The following SORCS3 variants were observed in gnomAD, a reference collection of about 807,000 sequenced individuals.
SORCS3 encodes the protein sortilin related VPS10 domain containing receptor 3, also known as VPS10 domain-containing receptor SorCS3.
A neutral mutation model predicts 146.3 loss-of-function variants in SORCS3; 57 were observed. The ratio of observed to expected loss-of-function variants is 0.39; its 90% CI spans 0.31 to 0.49. SORCS3 has a LOEUF of 0.49. SORCS3 is among the 20% of genes least tolerant of loss of function. The pLI is 0.92. For synonymous variants in SORCS3, 653 were observed against 618.5 expected (o/e 1.06, Z -0.83); for missense variants, 1,341 against 1,575.5 (o/e 0.85, Z 2.52).
At chr10:104,678,028 A>G (rs774956965) in intron 1 of SORCS3, among the ~76,000 whole-genome samples, 7 of 152,164 alleles carry the variant, frequency 4.6e-5, no homozygotes, top group Non-Finnish European at 7.4e-5. Flanking sequence ...CTTGCATTCT[A>G]GTAATGACAT....
intron 7 of SORCS3, among the ~76,000 whole-genome samples, chr10:105,109,157 T>C (rs1456311245): frequency 3.2e-4 from 49 of 152,172 alleles, no homozygotes; most frequent in Admixed American, 3.2e-3. Flanking sequence ...AATTACAAAA[T>C]CAGTGTATTT....
At chr10:104,673,419 C>CGTGTGTGTGTGT (rs61501873) in intron 1 of SORCS3, among the ~76,000 whole-genome samples, 3 of 146,004 alleles carry the variant, frequency 2.1e-5, no homozygotes, top group African/African-American at 7.6e-5. Context: ...TTCTTATTTC[C>CGTGTGTGTGTGT]GTGTGTGTGT....
chr10:105,086,894 C>A (rs966070808), intron 5 of SORCS3, among the ~76,000 whole-genome samples: 2 of 152,166 alleles, frequency 1.3e-5, no homozygotes, highest in Admixed American at 6.6e-5. Flanking sequence ...TCTTTTGCTG[C>A]GTAGAAGCTC....
At chr10:104,919,550 C>T (rs553856303) in intron 3 of SORCS3, among the ~76,000 whole-genome samples, 47 of 151,966 alleles carry the variant, frequency 3.1e-4, no homozygotes, top group Non-Finnish European at 5.1e-4. Flanking sequence ...ATTAGCCAGG[C>T]GTGGTGGTAC....
intron 1 of SORCS3, among the ~76,000 whole-genome samples, chr10:104,758,155 C>T (rs148916713): frequency 8.7e-4 from 132 of 152,188 alleles, no homozygotes; most frequent in African/African-American, 3.0e-3. Context: ...ATCTGTGTTT[C>T]GAGGCAAGGA....
intron 5 of SORCS3, among the ~76,000 whole-genome samples, chr10:105,071,072 G>A (rs2055553603): frequency 6.6e-6 from 1 of 152,166 alleles, no homozygotes; most frequent in African/African-American, 2.4e-5. Context: ...CATTTGGAGA[G>A]TGTAGGACTC....
At chr10:105,011,980 T>C (rs746820829) in intron 4 of SORCS3, among the ~76,000 whole-genome samples, 1 of 152,178 alleles carries the variant, frequency 6.6e-6, no homozygotes, top group African/African-American at 2.4e-5. Context: ...GAAAGGAGCA[T>C]AGAGGAAGTT....
At chr10:104,925,509 T>C (rs2133606826) in intron 3 of SORCS3, among the ~76,000 whole-genome samples, 1 of 152,352 alleles carries the variant, frequency 6.6e-6, no homozygotes, top group African/African-American at 2.4e-5. Flanking sequence ...GGCATTGCCC[T>C]GATAGTGTGA....
rs546214709 is a variant in SORCS3 at position 104,991,526 on chromosome 10, G to T, written c.954+14033G>T. 5.5e-4 allele frequency among the ~76,000 whole-genome samples: 79 copies of T among 143,644 alleles called. 1 individual carries two copies. The highest frequency in any genetic ancestry group is 7.1e-4 in the Non-Finnish European group (47 of 66,544). 94.2% of individuals were successfully genotyped at this position (143,644 alleles called of 152,430 possible). On this transcript the variant is annotated intron_variant, in intron 4 of 26. Coordinates refer to ENST00000369701, the MANE Select transcript of SORCS3 (RefSeq NM_014978.3). ...TCCTTTTTTTTTTTTTTTTGAGACA[G>T]AGTCTTGCTCTGTTGCCCAGGCTGG...
chr10:104,992,112 A>G (rs1380771738), intron 4 of SORCS3, among the ~76,000 whole-genome samples: 1 of 152,176 alleles, frequency 6.6e-6, no homozygotes, highest in African/African-American at 2.4e-5. Context: ...AATGGAGCCA[A>G]CCACCAGGAA....
intron 1 of SORCS3, among the ~76,000 whole-genome samples, chr10:104,746,660 C>T (rs954795847): frequency 6.6e-6 from 1 of 152,194 alleles, no homozygotes; most frequent in Admixed American, 6.5e-5. Context: ...TCTCTCCTTT[C>T]CTCATCCACC....
intron 20 of SORCS3, among the ~76,000 whole-genome samples, chr10:105,237,383 G>A (rs1200686889): frequency 6.6e-6 from 1 of 152,186 alleles, no homozygotes; most frequent in Non-Finnish European, 1.5e-5. Flanking sequence ...CGTAGAAAGT[G>A]TTTAGAACAC....
chr10:104,720,662 G>A lies in SORCS3; in HGVS notation c.627+78708G>A, dbSNP rs530318325. On this transcript the variant is annotated intron_variant, in intron 1 of 26. Coordinates refer to ENST00000369701, the MANE Select transcript of SORCS3 (RefSeq NM_014978.3). ...GTTGTTTCCTGACTTTTTAATGATC[G>A]CCCTTCTAACTGGTGTGAGATGGTA... Among the ~76,000 whole-genome samples, 797 of 152,130 alleles carry A rather than the reference G, an allele frequency of 5.2e-3. 5 individuals are homozygous for A. Among genetic ancestry groups the A allele is most frequent in the African/African-American group, 0.018 (736 of 41,512 alleles).
At chr10:104,993,287 A>C (rs2133664737) in intron 4 of SORCS3, among the ~76,000 whole-genome samples, 1 of 152,228 alleles carries the variant, frequency 6.6e-6, no homozygotes, top group South Asian at 2.1e-4. Context: ...GGGGATAATC[A>C]CCTTCCTTTG....
chr10:104,930,632 A>G (rs1169995843), intron 3 of SORCS3, among the ~76,000 whole-genome samples: 1 of 152,220 alleles, frequency 6.6e-6, no homozygotes, highest in East Asian at 1.9e-4. Context: ...TTAGTGTTCA[A>G]TAATTCATAA....
intron 1 of SORCS3, among the ~76,000 whole-genome samples, chr10:104,720,888 ATGTATAGATTG>A (rs1395350841): frequency 6.6e-6 from 1 of 152,180 alleles, no homozygotes; most frequent in Non-Finnish European, 1.5e-5. Flanking sequence ...CCTTTATCAG[ATGTATAGATTG>A]CAAAAATTTT....
At chr10:105,187,853 G>GT (rs1267822452) in intron 14 of SORCS3, among the ~76,000 whole-genome samples, 1 of 152,204 alleles carries the variant, frequency 6.6e-6, no homozygotes, top group Non-Finnish European at 1.5e-5. Context: ...CAGGGTCACT[G>GT]TTAAGAAGTT....
intron 1 of SORCS3, among the ~76,000 whole-genome samples, chr10:104,646,483 A>G (rs2015496850): frequency 6.6e-6 from 1 of 152,220 alleles, no homozygotes; most frequent in African/African-American, 2.4e-5. Context: ...GAATCCTGGA[A>G]CTGGATGATC....
At chr10:105,048,007 T>C (rs917803727) in intron 5 of SORCS3, among the ~76,000 whole-genome samples, 1 of 152,028 alleles carries the variant, frequency 6.6e-6, no homozygotes, top group South Asian at 2.1e-4. Flanking sequence ...CCAGTTAGAA[T>C]GGCGATCATG....
Sources: allele counts gnomAD v4.1 joint callset (sites outside exome capture counted in the v4.1 genomes callset), GRCh38; gene constraint gnomAD v4.1.1; transcripts MANE v1.5; gene names NCBI Gene and HGNC (gene_info 2026-07-23, HGNC 2026-07-21).